NKAIN2: variants seen among roughly 807,000 people sequenced by gnomAD.
The protein encoded by NKAIN2 is sodium/potassium-transporting ATPase subunit beta-1-interacting protein 2.
Under a neutral mutation model 32.6 loss-of-function variants are expected in NKAIN2, and 14 were observed. The ratio of observed to expected loss-of-function variants is 0.43; its 90% confidence interval spans 0.28 to 0.67. The LOEUF is 0.67. NKAIN2 is among the 30% of genes least tolerant of loss of function. The probability of loss-of-function intolerance (pLI) is 0.17; values close to 1 mark genes in which losing one functional copy is unlikely to be tolerated. For synonymous variants in NKAIN2, 80 were observed against 87.2 expected (o/e 0.92, Z 0.46); for missense variants, 198 against 258.3 (o/e 0.77, Z 1.60).
At chr6:124,137,983 G>A (rs1283827451) in intron 1 of NKAIN2, among the ~76,000 whole-genome samples, 1 of 151,922 alleles carries the variant, frequency 6.6e-6, no homozygotes, top group Non-Finnish European at 1.5e-5. Context: ...GAGCCCAAAA[G>A]CAAATGCAAC....
chr6:123,898,657 A>G (rs1774404431), intron 1 of NKAIN2, among the ~76,000 whole-genome samples: 1 of 151,588 alleles, frequency 6.6e-6, no homozygotes, highest in Admixed American at 6.6e-5. Flanking sequence ...CCAGGCCTGT[A>G]TAGTTTATTT....
intron 4 of NKAIN2, among the ~76,000 whole-genome samples, chr6:124,707,578 T>G (rs1775164447): frequency 7.5e-6 from 1 of 134,178 alleles, no homozygotes; most frequent in Non-Finnish European, 1.6e-5. Flanking sequence ...GATTTGCATT[T>G]CTCTGATGGC....
chr6:124,042,399 A>G (rs528626235), intron 1 of NKAIN2, among the ~76,000 whole-genome samples: 1 of 152,200 alleles, frequency 6.6e-6, no homozygotes, highest in Admixed American at 6.5e-5. Context: ...ACATAACCAT[A>G]TTAATGGGTG....
At chr6:124,749,341 C>A (rs1195903284) in intron 4 of NKAIN2, among the ~76,000 whole-genome samples, 2 of 151,908 alleles carry the variant, frequency 1.3e-5, no homozygotes, top group Non-Finnish European at 1.5e-5. Context: ...AGATCTGTAA[C>A]CTTTTTCATA....
chr6:123,853,057 C>T (rs1173632052), intron 1 of NKAIN2, among the ~76,000 whole-genome samples: 1 of 152,150 alleles, frequency 6.6e-6, no homozygotes, highest in African/African-American at 2.4e-5. Flanking sequence ...CCTAAATAAG[C>T]ACTATGATTC....
intron 4 of NKAIN2, among the ~76,000 whole-genome samples, chr6:124,686,643 G>C (rs566462590): frequency 1.3e-5 from 2 of 152,280 alleles, no homozygotes; most frequent in African/African-American, 4.8e-5. Context: ...TAGGGATACA[G>C]ATCCAAACCA....
chr6:123,957,829 A>G (rs1177110855), intron 1 of NKAIN2, among the ~76,000 whole-genome samples: 1 of 152,194 alleles, frequency 6.6e-6, no homozygotes, highest in African/African-American at 2.4e-5. Flanking sequence ...TTAAAATACA[A>G]TTTGAAAAAT....
chr6:123,984,205 C>A (rs143682746), intron 1 of NKAIN2, among the ~76,000 whole-genome samples: 100 of 152,244 alleles, frequency 6.6e-4, no homozygotes, highest in Middle Eastern at 3.4e-3. Context: ...CCGCGCCCGG[C>A]CAGACTCTCC....
chr6:124,806,805 A>G (rs558509644), intron 5 of NKAIN2, among the ~76,000 whole-genome samples: 1 of 151,738 alleles, frequency 6.6e-6, no homozygotes, highest in South Asian at 2.1e-4. Context: ...TCTACCAAGC[A>G]AATGGAAAAC....
chr6:124,794,950 T>C lies in NKAIN2; in HGVS notation c.535+3551T>C. On this transcript the variant is annotated intron_variant, in intron 5 of 6. Coordinates refer to ENST00000368417, the MANE Select transcript of NKAIN2 (RefSeq NM_001040214.3). ...AAAAATTATCCTGATCCTTAAAAAG[T>C]TGGGTGAAAGGTTAAAATAAAACCA... 8.8e-6 allele frequency: 4 copies of C among 455,926 alleles called. 1 individual carries two copies. 28.2% of individuals were successfully genotyped at this position (455,926 alleles called of 1,614,324 possible).
intron 3 of NKAIN2, among the ~76,000 whole-genome samples, chr6:124,418,887 C>T (rs191287757): frequency 9.5e-4 from 145 of 152,050 alleles, no homozygotes; most frequent in Middle Eastern, 6.8e-3. Flanking sequence ...GAATGATTCT[C>T]ATTACACACA....
intron 1 of NKAIN2, among the ~76,000 whole-genome samples, chr6:123,879,103 A>G (rs1336374918): frequency 2.6e-5 from 4 of 152,246 alleles, no homozygotes; most frequent in Admixed American, 2.0e-4. Flanking sequence ...AAATAATTGC[A>G]TTGAGAGTTC....
chr6:124,031,812 G>A (rs1361813942), intron 1 of NKAIN2, among the ~76,000 whole-genome samples: 2 of 152,058 alleles, frequency 1.3e-5, no homozygotes, highest in African/African-American at 4.8e-5. Flanking sequence ...CATTTGCTGA[G>A]GAGTGCTTTA....
chr6:123,929,546 AAACC>A (rs1776158625), intron 1 of NKAIN2, among the ~76,000 whole-genome samples: 1 of 152,164 alleles, frequency 6.6e-6, no homozygotes, highest in South Asian at 2.1e-4. Flanking sequence ...GTTCATGCTT[AAACC>A]AAGTCAATGT....
At chr6:123,859,618 C>T (rs1240236319) in intron 1 of NKAIN2, among the ~76,000 whole-genome samples, 1 of 152,192 alleles carries the variant, frequency 6.6e-6, no homozygotes, top group Non-Finnish European at 1.5e-5. Flanking sequence ...GTTATCTACC[C>T]CCTGTTTCAT....
chr6:124,488,244 T>G (rs942866722), intron 3 of NKAIN2, among the ~76,000 whole-genome samples: 1 of 152,082 alleles, frequency 6.6e-6, no homozygotes, highest in Admixed American at 6.6e-5. Context: ...ATGTACACTG[T>G]TAGTTTGTGT....
At chr6:123,947,575 A>G (rs914776088) in intron 1 of NKAIN2, among the ~76,000 whole-genome samples, 1 of 152,144 alleles carries the variant, frequency 6.6e-6, no homozygotes. Context: ...AGCCATAGCC[A>G]GAGAACCACA....
intron 3 of NKAIN2, among the ~76,000 whole-genome samples, chr6:124,476,861 G>A (rs369049800): frequency 3.3e-5 from 5 of 152,022 alleles, no homozygotes; most frequent in Admixed American, 3.3e-4. Flanking sequence ...ATATGAAAGG[G>A]GTGGACCCTA....
In NKAIN2 at chr6:124,616,261, C is replaced by G. The variant is rs1157044560; in HGVS notation, c.274-41925C>G. On this transcript the variant is annotated intron_variant, in intron 3 of 6. Coordinates refer to ENST00000368417, the MANE Select transcript of NKAIN2 (RefSeq NM_001040214.3). ...TTGTTCCCTGTTCAATGCCTTCAGG[C>G]TTTTTGCATTTCACCTAAAGTTTAT... 2.0e-5 allele frequency among the ~76,000 whole-genome samples: 3 copies of G among 152,076 alleles called. No individual in the cohort carries two copies. In the East Asian group the frequency reaches 5.8e-4, roughly 29 times the overall value.
Sources: gnomAD v4.1 joint callset for allele counts (sites outside exome capture counted in the v4.1 genomes callset) on GRCh38, gnomAD v4.1.1 for gene constraint, MANE v1.5 for transcripts, NCBI Gene and HGNC (gene_info 2026-07-23, HGNC 2026-07-21) for gene names.